Variants in RAB6A observed in about 807,000 individuals in gnomAD.
The protein encoded by RAB6A is RAB6A, member RAS oncogene family.
Under a neutral mutation model 32.3 loss-of-function variants are expected in RAB6A, and 8 were observed. The ratio of observed to expected loss-of-function variants is 0.25; its 90% CI spans 0.15 to 0.45. The LOEUF is 0.45. Among genes scored for constraint, RAB6A ranks in the 20% least tolerant of loss-of-function variants. RAB6A has a pLI of 1.00. For synonymous variants in RAB6A, 73 were observed against 82.1 expected (o/e 0.89, Z 0.60); for missense variants, 104 against 249.4 (o/e 0.42, Z 3.93).
chr11:73,724,472 T>G (rs1031107294), intron 2 of RAB6A, among the ~76,000 whole-genome samples: 8 of 150,236 alleles, frequency 5.3e-5, no homozygotes, highest in South Asian at 2.1e-4. Flanking sequence ...CATGTTTTCC[T>G]AAATGCATTT....
At chr11:73,706,079 T>G (rs774554341) in intron 6 of RAB6A, among the ~76,000 whole-genome samples, 1 of 152,126 alleles carries the variant, frequency 6.6e-6, no homozygotes, top group Non-Finnish European at 1.5e-5. Flanking sequence ...TCAGTGATCA[T>G]TCAATATTAC....
intron 1 of RAB6A, among the ~76,000 whole-genome samples, chr11:73,754,999 T>C (rs999767250): frequency 9.9e-5 from 15 of 152,102 alleles, no homozygotes; most frequent in African/African-American, 3.6e-4. Flanking sequence ...CTTGGCTCAC[T>C]GCAACCTCCA....
chr11:73,705,751 G>T (rs1401325348), intron 6 of RAB6A, among the ~76,000 whole-genome samples: 2 of 137,930 alleles, frequency 1.5e-5, no homozygotes, highest in East Asian at 4.4e-4. Context: ...TAGGTTCTGG[G>T]AATATATAAT....
intron 6 of RAB6A, among the ~76,000 whole-genome samples, chr11:73,703,811 T>C (rs1239200388): frequency 6.6e-6 from 1 of 152,044 alleles, no homozygotes; most frequent in Non-Finnish European, 1.5e-5. Flanking sequence ...GGCTCACGCC[T>C]GTATACCCAG....
chr11:73,754,878 T>G (rs1330602487), intron 1 of RAB6A, among the ~76,000 whole-genome samples: 1 of 61,796 alleles, frequency 1.6e-5, no homozygotes, highest in Non-Finnish European at 3.5e-5. Flanking sequence ...AACAGAGGGA[T>G]GCAGTCAAAA....
chr11:73,733,043 C>A (rs1369358464), intron 1 of RAB6A, among the ~76,000 whole-genome samples: 1 of 152,032 alleles, frequency 6.6e-6, no homozygotes, highest in Non-Finnish European at 1.5e-5. Flanking sequence ...AAACTCCTGA[C>A]CTCATGATCC....
At chr11:73,734,896 C>G (rs1159009792) in intron 1 of RAB6A, among the ~76,000 whole-genome samples, 1 of 152,146 alleles carries the variant, frequency 6.6e-6, no homozygotes, top group Non-Finnish European at 1.5e-5. Flanking sequence ...ATAAATATTT[C>G]AGATTTTAGA....
intron 1 of RAB6A, among the ~76,000 whole-genome samples, chr11:73,759,409 A>C (rs1397161062): frequency 6.6e-6 from 1 of 152,192 alleles, no homozygotes; most frequent in Non-Finnish European, 1.5e-5. Flanking sequence ...ACAAAAGTAC[A>C]GTGACAGCAG....
rs1388497850 is a variant in RAB6A, at chr11:73,677,892, G to C, written c.*6C>G. ...TTCTGAAGAAGGTTGAAGATGACAT[G>C]GGAGATTAGCAGGAACAGCCTCCTT... On this transcript the variant is annotated 3_prime_UTR_variant, in exon 8 of 8. Transcript: ENST00000336083. The C allele has an allele frequency of 6.2e-7, 1 of 1,614,048 alleles. No homozygotes were observed. Among genetic ancestry groups the C allele is most frequent in the Non-Finnish European group, 8.5e-7 (1 of 1,180,002 alleles).
Position 73,735,920 on chromosome 11 carries a change from TA to T in RAB6A, c.71-5098del, listed in dbSNP as rs10676769. ...AGTTTCTGGAATCCCAACCTTGCCTTAAAAAAAAAAAAAAAAAAGAGAGAGA... is the reference window on the plus strand; with the variant it reads ...AGTTTCTGGAATCCCAACCTTGCCTTAAAAAAAAAAAAAAAAAGAGAGAGA... On this transcript the variant is annotated intron_variant, in intron 1 of 7. Coordinates refer to ENST00000336083, the MANE Select transcript of RAB6A (RefSeq NM_198896.2). Among the ~76,000 whole-genome samples the T allele has an allele frequency of 1.1e-3, 97 of 87,084 alleles. 1 individual carries two copies. In the Middle Eastern group the frequency reaches 0.037, roughly 33 times the overall value. 57.1% of individuals were successfully genotyped at this position (87,084 alleles called of 152,430 possible).
intron 1 of RAB6A, among the ~76,000 whole-genome samples, chr11:73,736,554 G>A (rs1008364921): frequency 1.3e-5 from 2 of 152,084 alleles, no homozygotes; most frequent in African/African-American, 4.8e-5. Flanking sequence ...CACTTTGGGA[G>A]GCCAAGGTGG....
At chr11:73,693,619 C>T (rs1451128674) in intron 6 of RAB6A, among the ~76,000 whole-genome samples, 1 of 145,354 alleles carries the variant, frequency 6.9e-6, no homozygotes, top group Non-Finnish European at 1.5e-5. Flanking sequence ...GGCGCTGTGG[C>T]TTATGCATAT....
At chr11:73,683,253 T>A (rs1360266784) in intron 6 of RAB6A, among the ~76,000 whole-genome samples, 1 of 2,430 alleles carries the variant, frequency 4.1e-4, no homozygotes, top group Non-Finnish European at 1.9e-3. Context: ...AGACCCATCT[T>A]TTTTTTTTTT....
intron 6 of RAB6A, 103 bp from the exon 7 acceptor site, chr11:73,679,823 G>A: frequency 6.8e-7 from 1 of 1,464,106 alleles, no homozygotes; most frequent in Non-Finnish European, 9.5e-7. Flanking sequence ...TGGGCGCAGT[G>A]GCTCACACCT....
chr11:73,740,443 G>A (rs552141922), intron 1 of RAB6A, among the ~76,000 whole-genome samples: 16 of 152,164 alleles, frequency 1.1e-4, no homozygotes, highest in Non-Finnish European at 1.8e-4. Flanking sequence ...TGCAATTCTA[G>A]AGGAAAACAA....
chr11:73,688,177 C>G (rs1313813845), intron 6 of RAB6A, among the ~76,000 whole-genome samples: 1 of 152,160 alleles, frequency 6.6e-6, no homozygotes, highest in Non-Finnish European at 1.5e-5. Context: ...TCTTATCATT[C>G]TTTGTCAAAT....
rs529590596 is a variant in RAB6A at position 73,723,193 on chromosome 11, C to T, written c.130-2294G>A. On this transcript the variant is annotated intron_variant, in intron 2 of 7. Coordinates refer to ENST00000336083, the MANE Select transcript of RAB6A (RefSeq NM_198896.2). ...TGAACAAACATGCAGTTAGTCTCTACCCAAATTGGACGGAACACATTTAAA... is the reference window on the plus strand; with the variant it reads ...TGAACAAACATGCAGTTAGTCTCTATCCAAATTGGACGGAACACATTTAAA... 6.6e-5 allele frequency among the ~76,000 whole-genome samples: 10 copies of T among 152,172 alleles called. No individual in the cohort carries two copies. The South Asian group carries it at 1.2e-3, about 19-fold the overall frequency.
intron 5 of RAB6A, among the ~76,000 whole-genome samples, chr11:73,712,384 T>C (rs1224662751): frequency 2.0e-5 from 3 of 151,116 alleles, no homozygotes; most frequent in Non-Finnish European, 2.9e-5. Flanking sequence ...ACAGTCTCAC[T>C]CTGTTAGCCA....
chr11:73,758,559 G>A (rs1249780614), intron 1 of RAB6A, among the ~76,000 whole-genome samples: 2 of 151,946 alleles, frequency 1.3e-5, no homozygotes, highest in African/African-American at 2.4e-5. Context: ...GCTTAAACAA[G>A]GTACGAAATT....
Sources: gnomAD v4.1 joint callset for allele counts (sites outside exome capture counted in the v4.1 genomes callset) on GRCh38, gnomAD v4.1.1 for gene constraint, MANE v1.5 for transcripts, NCBI Gene and HGNC (gene_info 2026-07-23, HGNC 2026-07-21) for gene names.